Variants in SCN9A observed in about 807,000 individuals in gnomAD.
SCN9A encodes the protein sodium voltage-gated channel alpha subunit 9.
In SCN9A, 131 loss-of-function variants were observed where a neutral mutation model predicts 187.0. That is an observed-to-expected ratio of 0.70 (90% CI 0.61 to 0.81). The LOEUF (loss-of-function observed/expected upper bound fraction) is 0.81, where lower values mean the gene tolerates loss of function less well. Ranked by LOEUF, SCN9A falls within the 30% of genes least tolerant of loss-of-function variation. SCN9A has a pLI of 0.00. For missense variants in SCN9A, 2,252 were observed against 2,396.6 expected (o/e 0.94, Z 1.26); for synonymous variants, 809 against 808.6 (o/e 1.00, Z -0.01).
intron 1 of SCN9A, among the ~76,000 whole-genome samples, chr2:166,351,225 G>A (rs1263831999): frequency 6.6e-6 from 1 of 152,126 alleles, no homozygotes; most frequent in African/African-American, 2.4e-5. Context: ...ACACATCAGG[G>A]TGGTGAAATG....
chr2:166,352,719 T>A (rs1200570722), intron 1 of SCN9A, among the ~76,000 whole-genome samples: 1 of 152,164 alleles, frequency 6.6e-6, no homozygotes, highest in Non-Finnish European at 1.5e-5. Flanking sequence ...ACACACAGCA[T>A]AAGAAGATAT....
Position 166,227,685 on chromosome 2 carries a change from T to A in SCN9A, c.4245A>T (p.Ala1415=). 6.6e-7 allele frequency: 1 copy of A among 1,523,888 alleles called. No individual in the cohort carries two copies. The allele number at this position is 1,523,888 out of a possible 1,614,324, so 94.4% of individuals were successfully genotyped here. A position where few individuals can be genotyped will look rare whatever the true frequency, so the allele number is the denominator to read the frequency against. Residue 1415 remains alanine (A), a synonymous_variant, in exon 23 of 27, where the codon GCA becomes GCT. Coordinates refer to ENST00000642356, the MANE Select transcript of SCN9A (RefSeq NM_001365536.1). ...FKGWTIIMYA[A]VDSVNVDKQP... is the part of the protein sequence containing the mutation. The stretch of plus-strand genomic sequence containing the variant: ...CAATACTTACATTAACAGAATCCAC[T>A]GCTGCATACATAATAATCGTCCATC...
intron 1 of SCN9A, among the ~76,000 whole-genome samples, chr2:166,372,819 C>A (rs1431757222): frequency 2.0e-5 from 3 of 151,918 alleles, no homozygotes; most frequent in Admixed American, 6.5e-5. Context: ...ATCTACGAAC[C>A]CCCTACTACT....
At position 166,204,075 on chromosome 2, in the gene SCN9A, C is replaced by T. The variant is rs1235052295; in HGVS notation, c.4654G>A (p.Val1552Met). 3 of 1,612,472 alleles carry T rather than the reference C, an allele frequency of 1.9e-6. No homozygotes were observed. The African/African-American group carries it at 4.0e-5, about 22-fold the overall frequency. ...HMTEVLYWIN[V>M]VFIILFTGEC... ...CCAGTGAAAAGGATTATAAAAACCA[C>T]ATTTATCCAATATAAAACTTCAGTC... The change falls in exon 26 of 27, where the codon GTG becomes ATG. Residue 1552 changes from valine to methionine, a missense_variant. Coordinates refer to ENST00000642356, the MANE Select transcript of SCN9A (RefSeq NM_001365536.1).
Position 166,277,029 on chromosome 2 carries a change from A to G in SCN9A, c.2828T>C (p.Met943Thr), listed in dbSNP as rs1574851227. 1 of 1,614,086 alleles carries G rather than the reference A, an allele frequency of 6.2e-7. No individual in the cohort carries two copies. The highest frequency in any genetic ancestry group is 8.5e-7 in the Non-Finnish European group (1 of 1,179,962). Residue 943 changes from methionine (M) to threonine (T), a missense_variant, in exon 16 of 27, where the codon ATG (methionine) becomes ACG (threonine). This residue lies in a region of SCN9A where 119 missense variants were observed against 188.7 expected (regional missense o/e 0.63). Coordinates refer to ENST00000642356, the MANE Select transcript of SCN9A (RefSeq NM_001365536.1). The stretch of plus-strand genomic sequence containing the variant: ...GACCATCATGTAAACAATAAGGCAC[A>G]TAGCTTGACCAGCGACCTCCATACA... ...WDCMEVAGQA[M>T]CLIVYMMVMV... is the part of the protein sequence containing the mutation.
At position 166,305,863 on chromosome 2, in the gene SCN9A, G is replaced by T; in HGVS notation, c.525C>A (p.Gly175=). 1 of 1,613,318 alleles carries T rather than the reference G, an allele frequency of 6.2e-7. No individual in the cohort carries two copies. Among genetic ancestry groups the T allele is most frequent in the South Asian group, 1.1e-5 (1 of 91,050 alleles). Reference sequence around the variant, plus strand: ...GAAAAGTGAATTCTCCTACACAGAAGCCTCTTGCAAGGATTTTTACAAGTG... The same window carrying T: ...GAAAAGTGAATTCTCCTACACAGAATCCTCTTGCAAGGATTTTTACAAGTG... The part of the protein sequence containing the change: ...FESLVKILAR[G]FCVGEFTFLR... Residue 175 remains glycine, a synonymous_variant, in exon 5 of 27, where the codon GGC becomes GGA. Transcript: ENST00000642356.
intron 16 of SCN9A, among the ~76,000 whole-genome samples, chr2:166,273,821 A>T (rs1372118141): frequency 6.6e-6 from 1 of 152,156 alleles, no homozygotes; most frequent in African/African-American, 2.4e-5. Flanking sequence ...AAATCGAAGT[A>T]AGACCTAACT....
chr2:166,248,934 A>C (rs1574802581), intron 18 of SCN9A, among the ~76,000 whole-genome samples: 2 of 151,922 alleles, frequency 1.3e-5, no homozygotes, highest in African/African-American at 4.8e-5. Flanking sequence ...CTCCCAAAGT[A>C]CTGGAATTAT....
chr2:166,199,144 C>T lies in SCN9A; in HGVS notation c.5495G>A (p.Ser1832Asn), dbSNP rs1693351864. The T allele has an allele frequency of 6.2e-7, 1 of 1,614,182 alleles. No homozygotes were observed. Among genetic ancestry groups the T allele is most frequent in the Non-Finnish European group, 8.5e-7 (1 of 1,180,042 alleles). The change falls in exon 27 of 27, where the codon AGT becomes AAT. Residue 1832 changes from serine (S) to asparagine (N), a missense_variant. Transcript: ENST00000642356. ...GTCAAGACAATGGATCCGGTCACCA[C>T]TAACCATGGGCAGATCCATGGCAAT... ...QLIAMDLPMVSGDRIHCLDIL... is the reference protein window; with the variant it reads ...QLIAMDLPMVNGDRIHCLDIL...
intron 1 of SCN9A, among the ~76,000 whole-genome samples, chr2:166,370,144 C>G (rs1044520793): frequency 2.7e-5 from 4 of 150,344 alleles, no homozygotes; most frequent in African/African-American, 7.3e-5. Context: ...GTAGGAGCAA[C>G]TAGTAAAAGT....
chr2:166,268,909 T>G (rs377709898), intron 17 of SCN9A, among the ~76,000 whole-genome samples: 46 of 152,022 alleles, frequency 3.0e-4, no homozygotes, highest in African/African-American at 1.0e-3. Context: ...GTAATAATAA[T>G]GATGCAGAAA....
intron 14 of SCN9A, among the ~76,000 whole-genome samples, chr2:166,279,356 T>C (rs1574855430): frequency 1.3e-5 from 2 of 152,294 alleles, no homozygotes; most frequent in South Asian, 2.1e-4. Flanking sequence ...TTATCTTATA[T>C]AGACATTGAC....
At chr2:166,287,479 A>T (rs1179417927) in intron 10 of SCN9A, among the ~76,000 whole-genome samples, 1 of 152,096 alleles carries the variant, frequency 6.6e-6, no homozygotes, top group African/African-American at 2.4e-5. Context: ...AATTTTCCAA[A>T]ATTTAAATTT....
chr2:166,309,595 A>G (rs954840316), intron 2 of SCN9A, among the ~76,000 whole-genome samples: 3 of 152,070 alleles, frequency 2.0e-5, no homozygotes, highest in Non-Finnish European at 2.9e-5. Flanking sequence ...TCAAGGAAAT[A>G]AAAGAGGATA....
chr2:166,251,716 C>A, intron 18 of SCN9A, 49 bp downstream of exon 18: 1 of 1,608,174 alleles, frequency 6.2e-7, no homozygotes, highest in Non-Finnish European at 8.5e-7. Flanking sequence ...AGACAAACCC[C>A]AGAACACTAA....
intron 16 of SCN9A, among the ~76,000 whole-genome samples, chr2:166,275,383 G>A (rs767383589): frequency 1.3e-5 from 2 of 151,868 alleles, no homozygotes; most frequent in Non-Finnish European, 2.9e-5. Flanking sequence ...TCAGGAGTTC[G>A]AGACCAGCCT....
intron 1 of SCN9A, among the ~76,000 whole-genome samples, chr2:166,321,256 G>T (rs951576248): frequency 6.6e-6 from 1 of 151,952 alleles, no homozygotes; most frequent in Admixed American, 6.6e-5. Flanking sequence ...ACAGTGGCTC[G>T]TGCCTGTAAT....
chr2:166,241,982 G>T (rs1695584821), intron 19 of SCN9A, among the ~76,000 whole-genome samples: 1 of 152,122 alleles, frequency 6.6e-6, no homozygotes, highest in Non-Finnish European at 1.5e-5. Flanking sequence ...TGTTGAAGCT[G>T]CTTGTTGTAA....
intron 1 of SCN9A, among the ~76,000 whole-genome samples, chr2:166,352,689 C>T (rs1700059693): frequency 6.6e-6 from 1 of 152,144 alleles, no homozygotes; most frequent in Non-Finnish European, 1.5e-5. Context: ...CTTCTATATA[C>T]TGATCAAGAT....
Sources: gnomAD v4.1 joint callset for allele counts (sites outside exome capture counted in the v4.1 genomes callset) on GRCh38, gnomAD v4.1.1 for gene constraint, gnomAD v4.1.1 regional missense constraint, MANE v1.5 for transcripts, NCBI Gene and HGNC (gene_info 2026-07-23, HGNC 2026-07-21) for gene names.